Variants in PBK observed in about 807,000 individuals in gnomAD.
The protein encoded by PBK is PDZ binding kinase.
Under a neutral mutation model 33.5 loss-of-function variants are expected in PBK, and 22 were observed. The ratio of observed to expected loss-of-function variants is 0.66; its 90% CI spans 0.47 to 0.94. PBK has a LOEUF of 0.94. Among genes scored for constraint, PBK ranks in the 40% least tolerant of loss-of-function variants. The pLI is 0.00. For missense variants in PBK, 376 were observed against 383.4 expected (o/e 0.98, Z 0.16); for synonymous variants, 129 against 123.8 (o/e 1.04, Z -0.28).
intron 2 of PBK, among the ~76,000 whole-genome samples, chr8:27,828,821 T>C (rs1013473141): frequency 6.6e-6 from 1 of 150,848 alleles, no homozygotes; most frequent in Non-Finnish European, 1.5e-5. Flanking sequence ...TAACTACTCC[T>C]GGACAATTAA....
chr8:27,820,000 A>C (rs1161226851), intron 6 of PBK, among the ~76,000 whole-genome samples: 3 of 152,166 alleles, frequency 2.0e-5, no homozygotes, highest in African/African-American at 7.2e-5. Context: ...CTGTTGATAT[A>C]AAGAGACAAA....
chr8:27,817,767 C>T (rs1458952931), intron 6 of PBK, among the ~76,000 whole-genome samples: 10 of 152,076 alleles, frequency 6.6e-5, no homozygotes, highest in Non-Finnish European at 1.5e-4. Context: ...TCCAAACTGT[C>T]ACCTGAAAGG....
At position 27,836,365 on chromosome 8, in the gene PBK, G is replaced by C. The variant is rs1282811888; in HGVS notation, c.-21+1287C>G. ...TGACTTCTACTCAACTGTAGTCACA[G>C]TCAAGATTTCAGCTTGTACTGAGAA... On this transcript the variant is annotated intron_variant, in intron 1 of 7. Transcript: ENST00000301905. Among the ~76,000 whole-genome samples the C allele has an allele frequency of 2.0e-5, 3 of 152,186 alleles. No homozygotes were observed. The East Asian group carries it at 5.8e-4, about 29-fold the overall frequency.
At position 27,828,046 on chromosome 8, in the gene PBK, C is replaced by T. The variant is rs140897917; in HGVS notation, c.152+59G>A. 5.2e-4 allele frequency: 434 copies of T among 828,710 alleles called. 4 individuals are homozygous for T. In the African/African-American group the frequency reaches 6.4e-3, roughly 12 times the overall value. The allele number at this position is 828,710 out of a possible 1,614,324, so 51.3% of individuals were successfully genotyped here. ...GAATTTTCAGACTACTTCTTTGTCT[C>T]CAAGTACAGTAGAATTATAGTTGCA... On this transcript the variant is annotated intron_variant, in intron 3 of 7. Coordinates refer to ENST00000301905, the MANE Select transcript of PBK (RefSeq NM_018492.4).
chr8:27,823,964 AAGAC>A (rs1242879489), intron 3 of PBK, among the ~76,000 whole-genome samples: 3 of 152,082 alleles, frequency 2.0e-5, no homozygotes, highest in Admixed American at 6.5e-5. Flanking sequence ...TCAGAAGTTT[AAGAC>A]AGAAAGTTTA....
intron 6 of PBK, among the ~76,000 whole-genome samples, chr8:27,813,038 C>T (rs1284736351): frequency 6.6e-6 from 1 of 152,154 alleles, no homozygotes; most frequent in Non-Finnish European, 1.5e-5. Flanking sequence ...TTTATTGTGG[C>T]ACTATTCACA....
intron 2 of PBK, among the ~76,000 whole-genome samples, chr8:27,831,327 C>T (rs1407590173): frequency 5.3e-5 from 8 of 151,828 alleles, no homozygotes; most frequent in East Asian, 1.9e-4. Flanking sequence ...TACTCCATTA[C>T]GGGTGACAAA....
At position 27,821,807 on chromosome 8, in the gene PBK, A is replaced by G. The variant is rs148042822; in HGVS notation, c.465+512T>C. Among the ~76,000 whole-genome samples, 957 of 152,308 alleles carry G rather than the reference A, an allele frequency of 6.3e-3. 5 individuals carry two copies. Among genetic ancestry groups the G allele is most frequent in the African/African-American group, 0.022 (902 of 41,586 alleles). Reference sequence around the variant, plus strand: ...TGTGGGACAATGAATGACTAGGGCCACATGTACGTATAAGGATGTTTTGGT... The same window carrying G: ...TGTGGGACAATGAATGACTAGGGCCGCATGTACGTATAAGGATGTTTTGGT... On this transcript the variant is annotated intron_variant, in intron 5 of 7. Transcript: ENST00000301905.
intron 7 of PBK, 36 bp downstream of exon 7, chr8:27,810,920 GAA>G (rs1270153204): frequency 8.0e-7 from 1 of 1,245,216 alleles, no homozygotes; most frequent in Non-Finnish European, 1.2e-6. Context: ...AGTGTGAAAT[GAA>G]GAGATTGGGA....
intron 3 of PBK, among the ~76,000 whole-genome samples, chr8:27,825,828 GA>G (rs2128964308): frequency 6.6e-6 from 1 of 152,120 alleles, no homozygotes; most frequent in East Asian, 1.9e-4. Context: ...AAAAGATAGC[GA>G]ATAAGAAAAC....
chr8:27,830,281 G>A (rs1300999914), intron 2 of PBK, among the ~76,000 whole-genome samples: 1 of 149,998 alleles, frequency 6.7e-6, no homozygotes, highest in African/African-American at 2.5e-5. Flanking sequence ...TTAAAAATGT[G>A]CTCAATGATA....
chr8:27,828,271 T>A (rs1210852173), intron 2 of PBK, 73 bp from the exon 3 acceptor site: 2 of 650,874 alleles, frequency 3.1e-6, no homozygotes, highest in Admixed American at 5.1e-5. Flanking sequence ...CTCAATATAC[T>A]ACTGCCAAGA....
At chr8:27,814,642 CTA>C (rs1805776709) in intron 6 of PBK, among the ~76,000 whole-genome samples, 2 of 152,200 alleles carry the variant, frequency 1.3e-5, no homozygotes. Context: ...TAATTTACAA[CTA>C]TAGATTTCCC....
chr8:27,835,581 T>G (rs1806212355), intron 1 of PBK, among the ~76,000 whole-genome samples: 1 of 152,006 alleles, frequency 6.6e-6, no homozygotes, highest in African/African-American at 2.4e-5. Context: ...GACAGAGTTT[T>G]GCTCTTGTTG....
chr8:27,833,011 G>A lies in PBK; in HGVS notation c.58+45C>T, dbSNP rs750011527. On this transcript the variant is annotated intron_variant, in intron 2 of 7. Transcript: ENST00000301905. ...AAATAATACTAGGACATTTCTAAGA[G>A]AAACAACAATAGTAAAAAAAAAAAT... 2.6e-6 allele frequency: 3 copies of A among 1,133,458 alleles called. No homozygotes were observed. The South Asian group carries it at 4.1e-5, about 16-fold the overall frequency. The allele number at this position is 1,133,458 out of a possible 1,614,324, so 70.2% of individuals were successfully genotyped here. A position where few individuals can be genotyped will look rare whatever the true frequency, so the allele number is the denominator to read the frequency against.
chr8:27,810,878 A>T, intron 7 of PBK, 80 bp downstream of exon 7: 1 of 928,234 alleles, frequency 1.1e-6, no homozygotes, highest in Non-Finnish European at 1.7e-6. Context: ...GTACTAATAC[A>T]TATCTTAGAA....
At chr8:27,820,841 T>TTTTA in intron 5 of PBK, 147 bp from the exon 6 acceptor site, 3 of 441,466 alleles carry the variant, frequency 6.8e-6, no homozygotes, top group East Asian at 4.4e-5. Flanking sequence ...TTTTTTTTTT[T>TTTTA]AAAACGGAGT....
intron 3 of PBK, among the ~76,000 whole-genome samples, chr8:27,825,722 G>T (rs932633322): frequency 6.6e-6 from 1 of 152,074 alleles, no homozygotes; most frequent in Non-Finnish European, 1.5e-5. Context: ...AGCACTCCAA[G>T]AGACTAAAGA....
intron 6 of PBK, 52 bp from the exon 7 acceptor site, chr8:27,811,186 C>G: frequency 6.5e-7 from 1 of 1,544,278 alleles, no homozygotes; most frequent in Non-Finnish European, 8.9e-7. Context: ...CACGAAAAGG[C>G]AAGCAACCCA....
Sources: gnomAD v4.1 joint callset for allele counts (sites outside exome capture counted in the v4.1 genomes callset) on GRCh38, gnomAD v4.1.1 for gene constraint, MANE v1.5 for transcripts, NCBI Gene and HGNC (gene_info 2026-07-23, HGNC 2026-07-21) for gene names.